BPIFB6: variants seen among roughly 807,000 people sequenced by gnomAD.
The protein encoded by BPIFB6 is BPI fold-containing family B member 6.
A neutral mutation model predicts 54.7 loss-of-function variants in BPIFB6; 47 were observed. The observed-to-expected ratio is 0.86, with a 90% confidence interval of 0.68 to 1.10. BPIFB6 has a LOEUF of 1.10. BPIFB6 is among the 50% of genes least tolerant of loss of function. The probability of loss-of-function intolerance (pLI) is 0.00; values close to 1 mark genes in which losing one functional copy is unlikely to be tolerated. For synonymous variants in BPIFB6, 255 were observed against 225.9 expected (o/e 1.13, Z -1.16); for missense variants, 603 against 564.1 (o/e 1.07, Z -0.70).
At chr20:33,038,576 A>T (rs999970243) in intron 8 of BPIFB6, among the ~76,000 whole-genome samples, 1 of 152,042 alleles carries the variant, frequency 6.6e-6, no homozygotes, top group Non-Finnish European at 1.5e-5. Context: ...TCCTCTGTTT[A>T]TCCGTTTCCC....
intron 2 of BPIFB6, chr20:33,033,730 G>T: frequency 2.2e-6 from 1 of 444,584 alleles, no homozygotes; most frequent in South Asian, 1.6e-5. Flanking sequence ...ATTGTCACAA[G>T]TTGCGGGGAC....
At position 33,034,356 on chromosome 20, in the gene BPIFB6, A is replaced by G. The variant is rs1341977956; in HGVS notation, c.302+66A>G. On this transcript the variant is annotated intron_variant, in intron 3 of 14. Coordinates refer to ENST00000349552, the MANE Select transcript of BPIFB6 (RefSeq NM_174897.2). ...CTTCCTGTCTCATCCTTACATGCAC[A>G]TATATTGAGTGCCTACTGTGTACCA... The G allele has an allele frequency of 3.7e-6, 4 of 1,080,274 alleles. No homozygotes were observed. In the African/African-American group the frequency reaches 4.6e-5, roughly 13 times the overall value. The allele number at this position is 1,080,274 out of a possible 1,614,324, so 66.9% of individuals were successfully genotyped here.
At chr20:33,040,798 G>A (rs1312354521) in intron 11 of BPIFB6, among the ~76,000 whole-genome samples, 1 of 152,040 alleles carries the variant, frequency 6.6e-6, no homozygotes, top group East Asian at 1.9e-4. Context: ...TTGGGAGGAG[G>A]GTACTACAAA....
chr20:33,042,728 C>T, intron 12 of BPIFB6, 87 bp from the exon 13 acceptor site: 1 of 1,289,286 alleles, frequency 7.8e-7, no homozygotes, highest in Non-Finnish European at 1.1e-6. Flanking sequence ...TCTGTGGTCC[C>T]CAGGCCTAGC....
Position 33,033,068 on chromosome 20 carries a change from T to C in BPIFB6, c.182T>C (p.Ile61Thr). Residue 61 changes from isoleucine to threonine, a missense_variant, in exon 2 of 15, where the codon ATC (isoleucine) becomes ACC (threonine). Transcript: ENST00000349552. ...AAGAAACAGCCAGGGATGAAACCTATCAAGGGCATCACCAAGTGAGTAGGG... is the reference window on the plus strand; with the variant it reads ...AAGAAACAGCCAGGGATGAAACCTACCAAGGGCATCACCAAGTGAGTAGGG... Reference protein sequence around the residue: ...AGKKQPGMKPIKGITNLKVKD... With the variant: ...AGKKQPGMKPTKGITNLKVKD... 6.2e-7 allele frequency: 1 copy of C among 1,613,568 alleles called. No individual in the cohort carries two copies. The highest frequency in any genetic ancestry group is 8.5e-7 in the Non-Finnish European group (1 of 1,179,604).
At chr20:33,035,031 C>G (rs753116478) in intron 4 of BPIFB6, 50 bp from the exon 5 acceptor site, 25 of 1,610,756 alleles carry the variant, frequency 1.6e-5, no homozygotes, top group East Asian at 1.3e-4. Flanking sequence ...TGCCTAAATT[C>G]CTGCACTGGT....
chr20:33,035,814 C>G (rs1359104593), intron 6 of BPIFB6, 142 bp downstream of exon 6: 2 of 870,086 alleles, frequency 2.3e-6, no homozygotes. Flanking sequence ...TGTTCATCCC[C>G]CCACTGTCCC....
At position 33,035,065 on chromosome 20, in the gene BPIFB6, G is replaced by A. The variant is rs768486248; in HGVS notation, c.453-16G>A. 1 of 1,613,740 alleles carries A rather than the reference G, an allele frequency of 6.2e-7. No individual in the cohort carries two copies. The highest frequency in any genetic ancestry group is 1.1e-5 in the South Asian group (1 of 91,046). On this transcript the variant is annotated splice_polypyrimidine_tract_variant and intron_variant, in intron 4 of 14. Coordinates refer to ENST00000349552, the MANE Select transcript of BPIFB6 (RefSeq NM_174897.2). ...GTGCACCTGCCCACCTATCCTCGGT[G>A]CCTGTGTCCATCTAGCATGCTCCCC...
In BPIFB6 at chr20:33,038,949, G is replaced by T. The variant is rs79809934; in HGVS notation, c.887G>T (p.Arg296Leu). 1.2e-6 allele frequency: 2 copies of T among 1,613,852 alleles called. No individual in the cohort carries two copies. The highest frequency in any genetic ancestry group is 2.7e-5 in the African/African-American group (2 of 74,864). ...LPPQTTKTLA[R>L]FIPEVAVAYP... is the part of the protein sequence containing the mutation. ...CCACAAACCACCAAGACCCTGGCTC[G>T]CTTCATTCCTGAAGTGAGTGCCCCA... The change falls in exon 9 of 15, where the codon CGC (arginine) becomes CTC (leucine). Residue 296 changes from arginine to leucine, a missense_variant. Transcript: ENST00000349552.
chr20:33,042,980 G>T (rs112795422), intron 13 of BPIFB6, 102 bp downstream of exon 13: 6 of 1,046,196 alleles, frequency 5.7e-6, no homozygotes, highest in African/African-American at 3.2e-5. Context: ...GGGCCCAGAT[G>T]GGGGAAGCTA....
chr20:33,043,992 C>T, intron 14 of BPIFB6, 23 bp from the exon 15 acceptor site: 1 of 1,614,138 alleles, frequency 6.2e-7, no homozygotes, highest in Non-Finnish European at 8.5e-7. Context: ...TCATTGCTCT[C>T]CTACCCCTTT....
At chr20:33,040,202 A>T in intron 10 of BPIFB6, 49 bp from the exon 11 acceptor site, 2 of 1,564,690 alleles carry the variant, frequency 1.3e-6, no homozygotes, top group Non-Finnish European at 1.8e-6. Flanking sequence ...GCCAGCCCTG[A>T]TGGTGGGGAA....
At position 33,033,035 on chromosome 20, in the gene BPIFB6, A is replaced by C. The variant is rs772081522; in HGVS notation, c.149A>C (p.Glu50Ala). Reference protein sequence around the residue: ...ESHILEKMAAEAGKKQPGMKP... With the variant: ...ESHILEKMAAAAGKKQPGMKP... Reference sequence around the variant, plus strand: ...CATATCCTGGAGAAGATGGCAGCCGAGGCAGGCAAGAAACAGCCAGGGATG... The same window carrying C: ...CATATCCTGGAGAAGATGGCAGCCGCGGCAGGCAAGAAACAGCCAGGGATG... Residue 50 changes from glutamate to alanine, a missense_variant, in exon 2 of 15, where the codon GAG becomes GCG. Physicochemically the swap from Glu to Ala is moderately radical, Grantham distance 107 (BLOSUM62 -1). Coordinates refer to ENST00000349552, the MANE Select transcript of BPIFB6 (RefSeq NM_174897.2). 1.2e-5 allele frequency: 20 copies of C among 1,614,134 alleles called. No individual in the cohort carries two copies. The highest frequency in any genetic ancestry group is 1.7e-5 in the Non-Finnish European group (20 of 1,179,974).
chr20:33,035,810 TC>T (rs1027310340), intron 6 of BPIFB6, 138 bp downstream of exon 6: 4 of 897,600 alleles, frequency 4.5e-6, no homozygotes, highest in Non-Finnish European at 5.4e-6. Context: ...ATGATGTTCA[TC>T]CCCCCACTGT....
Position 33,038,915 on chromosome 20 carries a change from G to T in BPIFB6, c.853G>T (p.Glu285Ter). 1 of 1,614,046 alleles carries T rather than the reference G, an allele frequency of 6.2e-7. No individual in the cohort carries two copies. Among genetic ancestry groups the T allele is most frequent in the Non-Finnish European group, 8.5e-7 (1 of 1,179,998 alleles). The change falls in exon 9 of 15, where the codon GAG becomes TAG. Residue 285 changes from glutamate (E) to a stop codon, truncating the protein, a stop_gained. Coordinates refer to ENST00000349552, the MANE Select transcript of BPIFB6 (RefSeq NM_174897.2). LOFTEE classifies it high-confidence loss of function. ...HVNIQDTMIG[E>*]LPPQTTKTLA... ...CTTGACTTTTATTCTGTAGATTGGT[G>T]AGCTGCCCCCACAAACCACCAAGAC...
chr20:33,042,682 C>A, intron 12 of BPIFB6, 133 bp from the exon 13 acceptor site: 1 of 802,028 alleles, frequency 1.2e-6, no homozygotes, highest in Non-Finnish European at 2.0e-6. Context: ...AGTTTTGATG[C>A]CAGCTGGACA....
rs1979518049 is a variant in BPIFB6, at chr20:33,040,169, G to A, written c.1075-82G>A. On this transcript the variant is annotated intron_variant, in intron 10 of 14. Transcript: ENST00000349552. ...TGTCTTGGCAATGGTGGTAGTGCTG[G>A]GAGGGTGGTGGTCTCTGGCTTTGCC... 6.4e-6 allele frequency: 8 copies of A among 1,242,828 alleles called. No homozygotes were observed. The Admixed American group carries it at 1.2e-4, about 18-fold the overall frequency. The allele number at this position is 1,242,828 out of a possible 1,614,324, so 77.0% of individuals were successfully genotyped here. A position where few individuals can be genotyped will look rare whatever the true frequency, so the allele number is the denominator to read the frequency against.
chr20:33,035,468 A>G, intron 5 of BPIFB6, 144 bp from the exon 6 acceptor site: 1 of 827,890 alleles, frequency 1.2e-6, no homozygotes, highest in Non-Finnish European at 2.0e-6. Flanking sequence ...TCTGCCATTT[A>G]CTTTCTGTGG....
At chr20:33,035,742 T>C in intron 6 of BPIFB6, 70 bp downstream of exon 6, 1 of 1,482,224 alleles carries the variant, frequency 6.7e-7, no homozygotes, top group Non-Finnish European at 9.4e-7. Flanking sequence ...TGATGTCCCA[T>C]TCCCCATCCT....
Sources: allele counts gnomAD v4.1 joint callset (sites outside exome capture counted in the v4.1 genomes callset), GRCh38; gene constraint gnomAD v4.1.1; transcripts MANE v1.5; gene names NCBI Gene and HGNC (gene_info 2026-07-23, HGNC 2026-07-21).